The following RARG variants were observed in gnomAD, a reference collection of about 807,000 sequenced individuals.
RARG encodes RAR-gamma.
Under a neutral mutation model 43.7 loss-of-function variants are expected in RARG, and 17 were observed. That is an observed-to-expected ratio of 0.39 (90% CI 0.27 to 0.58). The LOEUF is 0.58. Ranked by LOEUF, RARG falls within the 20% of genes least tolerant of loss-of-function variation. The probability of loss-of-function intolerance (pLI) is 0.57; values close to 1 mark genes in which losing one functional copy is unlikely to be tolerated. For missense variants in RARG, 346 were observed against 598.7 expected (o/e 0.58, Z 4.40); for synonymous variants, 238 against 236.4 (o/e 1.01, Z -0.06).
Position 53,227,391 on chromosome 12 carries a change from G to A in RARG, c.155C>T (p.Pro52Leu). The change falls in exon 3 of 10, where the codon CCT (proline) becomes CTT (leucine). Residue 52 changes from proline (P) to leucine (L), a missense_variant. By Grantham distance (98) the Pro-to-Leu change is moderately conservative. Transcript: ENST00000425354. This position sits in a 1 kb window ranked among gnomAD's most constrained non-coding sequence, Gnocchi z 4.3. Reference sequence around the variant, plus strand: ...AGAGGCCATCTCCTTGGGGAGGTCAGGCTGGCCCAGGCCCCGGAAGCTAGG... The same window carrying A: ...AGAGGCCATCTCCTTGGGGAGGTCAAGCTGGCCCAGGCCCCGGAAGCTAGG... ...LSPSFRGLGQ[P>L]DLPKEMASLS... 6.3e-7 allele frequency: 1 copy of A among 1,596,088 alleles called. No homozygotes were observed. Among genetic ancestry groups the A allele is most frequent in the Non-Finnish European group, 8.5e-7 (1 of 1,171,790 alleles).
At chr12:53,217,539 C>T (rs776961000) in intron 3 of RARG, among the ~76,000 whole-genome samples, 2 of 152,154 alleles carry the variant, frequency 1.3e-5, no homozygotes, top group Admixed American at 6.5e-5. Context: ...GAGACAGGCC[C>T]GGGGGCAACT....
chr12:53,219,319 TTGTGTGCACAACC>T (rs1385450565), intron 3 of RARG, among the ~76,000 whole-genome samples: 1 of 152,236 alleles, frequency 6.6e-6, no homozygotes. Flanking sequence ...CTTCTCCCTC[TTGTGTGCACAACC>T]TTTTCCACCC....
chr12:53,220,783 A>G (rs1173152672), intron 3 of RARG, among the ~76,000 whole-genome samples: 2 of 152,018 alleles, frequency 1.3e-5, no homozygotes, highest in Non-Finnish European at 2.9e-5. Context: ...CCTCTCCCCA[A>G]ACTCTCCCTT....
chr12:53,213,143 G>C lies in RARG; in HGVS notation c.1119C>G (p.Pro373=), dbSNP rs1263746520. ...TCATTAGCATCCTTGGGAACATGTA[G>C]GGCTGGCTGGGCCGCCGGCGCCGGG... ...LYARRRRPSQ[P]YMFPRMLMKI... is the part of the protein sequence containing the mutation. Residue 373 remains proline, a synonymous_variant, in exon 9 of 10, where the codon CCC becomes CCG. Coordinates refer to ENST00000425354, the MANE Select transcript of RARG (RefSeq NM_000966.6). The surrounding 1 kb of genome is among the most constrained non-coding windows in gnomAD (Gnocchi z 4.7). 1 of 1,614,072 alleles carries C rather than the reference G, an allele frequency of 6.2e-7. No homozygotes were observed. Among genetic ancestry groups the C allele is most frequent in the Admixed American group, 1.7e-5 (1 of 60,002 alleles).
At chr12:53,220,267 C>A (rs1942918994) in intron 3 of RARG, 2 of 1,359,328 alleles carry the variant, frequency 1.5e-6, no homozygotes, top group Non-Finnish European at 1.9e-6. Context: ...GAGGGGGGAT[C>A]CCCAGCAGGG....
At chr12:53,225,801 A>C (rs1055366385) in intron 3 of RARG, among the ~76,000 whole-genome samples, 4 of 152,152 alleles carry the variant, frequency 2.6e-5, no homozygotes, top group African/African-American at 9.7e-5. Flanking sequence ...GAGAGGCCCA[A>C]GCCTTGGCTG....
At position 53,220,192 on chromosome 12, in the gene RARG, A is replaced by AG. The variant is rs764641682; in HGVS notation, c.185-4399dup. On this transcript the variant is annotated intron_variant, in intron 3 of 9. Transcript: ENST00000425354. Reference sequence around the variant, plus strand: ...TCCCCCGGCGGCGCCCCGCTCCAGCAGGGGGGGAGGGGGAGGGCTAGCATA... The same window carrying AG: ...TCCCCCGGCGGCGCCCCGCTCCAGCAGGGGGGGGAGGGGGAGGGCTAGCATA... 3.5e-5 allele frequency: 45 copies of AG among 1,282,370 alleles called. No individual in the cohort carries two copies. In the East Asian group the frequency reaches 4.7e-4, roughly 13 times the overall value. The allele number at this position is 1,282,370 out of a possible 1,614,324, so 79.4% of individuals were successfully genotyped here.
intron 9 of RARG, among the ~76,000 whole-genome samples, chr12:53,212,733 T>TACACACACAC (rs1168228129): frequency 7.6e-6 from 1 of 130,796 alleles, no homozygotes; most frequent in African/African-American, 3.1e-5. Context: ...TCTAAATATA[T>TACACACACAC]ATATACACAC....
chr12:53,214,760 G>A (rs1565720179), intron 5 of RARG, 154 bp from the exon 6 acceptor site: 1 of 851,256 alleles, frequency 1.2e-6, no homozygotes, highest in East Asian at 2.8e-5. Context: ...ACCTATAATA[G>A]CTCCTATTCC....
rs543800475 is a variant in RARG at position 53,219,941 on chromosome 12, G to A, written c.185-4147C>T. 8 of 1,505,338 alleles carry A rather than the reference G, an allele frequency of 5.3e-6. No individual in the cohort carries two copies. In the East Asian group the frequency reaches 1.7e-4, roughly 31 times the overall value. 93.2% of individuals were successfully genotyped at this position (1,505,338 alleles called of 1,614,324 possible). ...ACCCTACACCCCAGCCCCGGACTCCGGTACCTACATTGCAGGCTGGCGGGT... is the reference window on the plus strand; with the variant it reads ...ACCCTACACCCCAGCCCCGGACTCCAGTACCTACATTGCAGGCTGGCGGGT... On this transcript the variant is annotated intron_variant, in intron 3 of 9. Coordinates refer to ENST00000425354, the MANE Select transcript of RARG (RefSeq NM_000966.6).
Position 53,210,821 on chromosome 12 carries a change from A to G in RARG, c.*855T>C, listed in dbSNP as rs1223694223. The G allele has an allele frequency of 6.6e-6, 1 of 152,596 alleles. No individual in the cohort carries two copies. The highest frequency in any genetic ancestry group is 2.4e-5 in the African/African-American group (1 of 41,448). 9.5% of individuals were successfully genotyped at this position (152,596 alleles called of 1,614,324 possible). A position where few individuals can be genotyped will look rare whatever the true frequency, so the allele number is the denominator to read the frequency against. ...AAGGGGTCAATTCCACGGTGTAAAC[A>G]AAAGCTAATAAATAAATAGAGGCTT... is the stretch of plus-strand genomic sequence containing the variant. On this transcript the variant is annotated 3_prime_UTR_variant, in exon 10 of 10. Coordinates refer to ENST00000425354, the MANE Select transcript of RARG (RefSeq NM_000966.6).
At chr12:53,214,627 G>C (rs1447954001) in intron 5 of RARG, 21 bp from the exon 6 acceptor site, 1 of 1,588,804 alleles carries the variant, frequency 6.3e-7, no homozygotes, top group South Asian at 1.1e-5. Flanking sequence ...GAGGCGCAAG[G>C]AGAGGGTCAG....
chr12:53,213,695 C>A lies in RARG; in HGVS notation c.819G>T (p.Leu273=). ...CTGGGGTGTACCTTGTGCAGATACGCAGCATCTGGAGGTGGGGGGTGGAGG... is the reference window on the plus strand; with the variant it reads ...CTGGGGTGTACCTTGTGCAGATACGAAGCATCTGGAGGTGGGGGGTGGAGG... ...LKAACLDILM[L]RICTRYTPEQ... is the part of the protein sequence containing the mutation. Residue 273 remains leucine (L), a synonymous_variant, in exon 8 of 10, where the codon CTG becomes CTT. Coordinates refer to ENST00000425354, the MANE Select transcript of RARG (RefSeq NM_000966.6). This position sits in a 1 kb window ranked among gnomAD's most constrained non-coding sequence, Gnocchi z 4.7. 1 of 1,611,188 alleles carries A rather than the reference C, an allele frequency of 6.2e-7. No individual in the cohort carries two copies. The highest frequency in any genetic ancestry group is 2.2e-5 in the East Asian group (1 of 44,830).
intron 3 of RARG, among the ~76,000 whole-genome samples, chr12:53,216,841 TGCGCGCGCGCGC>T (rs61199415): frequency 3.1e-5 from 4 of 129,384 alleles, no homozygotes; most frequent in Non-Finnish European, 4.8e-5. Flanking sequence ...TGTGTGTGTG[TGCGCGCGCGCGC>T]GCGCGCGCGT....
At chr12:53,220,109 G>C (rs1565725405) in intron 3 of RARG, 2 of 1,550,204 alleles carry the variant, frequency 1.3e-6, no homozygotes, top group Non-Finnish European at 1.7e-6. Flanking sequence ...ATCGCGACCC[G>C]GCTTGAAGGG....
At chr12:53,231,510 A>G (rs1287288876) in intron 1 of RARG, 1 of 152,184 alleles carries the variant, frequency 6.6e-6, no homozygotes, top group Non-Finnish European at 1.5e-5. Flanking sequence ...TTGCCTCTGG[A>G]CGTTTTCCTT....
At position 53,214,086 on chromosome 12, in the gene RARG, C is replaced by T. The variant is rs1200928487; in HGVS notation, c.786G>A (p.Leu262=). Residue 262 remains leucine (L), a synonymous_variant, in exon 7 of 10, where the codon CTG becomes CTA. Transcript: ENST00000425354. ...TGLSIADQIT[L]LKAACLDILM... The stretch of plus-strand genomic sequence containing the variant: ...GGATATCTAGGCAGGCAGCTTTGAG[C>T]AGAGTGATCTGGTCAGCAATGCTGA... 23 of 1,613,714 alleles carry T rather than the reference C, an allele frequency of 1.4e-5. No individual in the cohort carries two copies. The highest frequency in any genetic ancestry group is 1.9e-5 in the Non-Finnish European group (22 of 1,179,932).
chr12:53,216,203 GTA>G (rs1364363890), intron 3 of RARG, among the ~76,000 whole-genome samples: 1 of 152,122 alleles, frequency 6.6e-6, no homozygotes, highest in Non-Finnish European at 1.5e-5. Context: ...TGTCTCTTTG[GTA>G]TATCTTTGTC....
chr12:53,224,011 T>A (rs1383999444), intron 3 of RARG, among the ~76,000 whole-genome samples: 2 of 152,186 alleles, frequency 1.3e-5, no homozygotes, highest in Non-Finnish European at 2.9e-5. Flanking sequence ...CATCACACTC[T>A]GTTCCCTATA....
Sources: gnomAD v4.1 joint callset for allele counts (sites outside exome capture counted in the v4.1 genomes callset) on GRCh38, gnomAD v4.1.1 for gene constraint, Gnocchi (gnomAD v3.1) non-coding constraint, MANE v1.5 for transcripts, NCBI Gene and HGNC (gene_info 2026-07-23, HGNC 2026-07-21) for gene names.